Variants in ARHGEF18 observed in about 807,000 individuals in gnomAD.
The protein encoded by ARHGEF18 is rho guanine nucleotide exchange factor 18.
ARHGEF18 carries 93 observed loss-of-function variants against 155.7 expected under a neutral mutation model. That is an observed-to-expected ratio of 0.60 (90% CI 0.50 to 0.71). ARHGEF18 has a LOEUF of 0.71. ARHGEF18 is among the 30% of genes least tolerant of loss of function. The probability of loss-of-function intolerance (pLI) is 0.00; values close to 1 mark genes in which losing one functional copy is unlikely to be tolerated. For missense variants in ARHGEF18, 1,593 were observed against 1,816.1 expected (o/e 0.88, Z 2.23); for synonymous variants, 742 against 753.1 (o/e 0.99, Z 0.24).
intron 10 of ARHGEF18, among the ~76,000 whole-genome samples, chr19:7,409,304 C>T (rs562843385): frequency 7.9e-4 from 109 of 138,130 alleles, no homozygotes; most frequent in South Asian, 3.1e-3. Context: ...TGTGATCCAC[C>T]GCGTCCGGCC....
At position 7,451,637 on chromosome 19, in the gene ARHGEF18, A is replaced by T. The variant is rs944684543; in HGVS notation, c.1855+371A>T. Among the ~76,000 whole-genome samples the T allele has an allele frequency of 3.3e-5, 5 of 150,438 alleles. No homozygotes were observed. The South Asian group carries it at 8.5e-4, about 25-fold the overall frequency. ...GCTGTGTTACCCAGGCTGGTGTGGA[A>T]CTCCTGGGTTCAAGTGATCCTCCCA... On this transcript the variant is annotated intron_variant, in intron 16 of 28. Transcript: ENST00000668164.
chr19:7,476,864 CT>C (rs1977239581), downstream of ARHGEF18: 2 of 280,198 alleles, frequency 7.1e-6, no homozygotes, highest in Non-Finnish European at 1.3e-5. Flanking sequence ...ACCTTCACCC[CT>C]GAGCCAGGCG....
intron 10 of ARHGEF18, among the ~76,000 whole-genome samples, chr19:7,436,902 T>C (rs1974294657): frequency 6.6e-6 from 1 of 152,180 alleles, no homozygotes; most frequent in Non-Finnish European, 1.5e-5. Flanking sequence ...CAATAGTAAT[T>C]GTTAGTCATG....
Position 7,380,985 on chromosome 19 carries a change from T to C in ARHGEF18, c.713T>C (p.Phe238Ser). ...CACTCGAACCTGACCTGGTTTGAAT[T>C]CCTGTCGGAGTAAGTACACAGATCT... The part of the protein sequence containing the change: ...GAHSNLTWFE[F>S]LSESEDGAGK... The change falls in exon 8 of 29, where the codon TTC becomes TCC. Residue 238 changes from phenylalanine to serine, a missense_variant. Phe to Ser is a radical substitution (Grantham distance 155). Coordinates refer to ENST00000668164, the MANE Select transcript of ARHGEF18 (RefSeq NM_001367823.1). 1.6e-6 allele frequency: 2 copies of C among 1,232,172 alleles called. No individual in the cohort carries two copies. Among genetic ancestry groups the C allele is most frequent in the Non-Finnish European group, 2.0e-6 (2 of 987,998 alleles). The allele number at this position is 1,232,172 out of a possible 1,614,324, so 76.3% of individuals were successfully genotyped here.
At chr19:7,476,951 T>C, downstream of ARHGEF18, 1 of 406,914 alleles carries the variant, frequency 2.5e-6, no homozygotes, top group Non-Finnish European at 4.3e-6. Flanking sequence ...CTCATCTTGA[T>C]TTGGATACAA....
intron 10 of ARHGEF18, among the ~76,000 whole-genome samples, chr19:7,385,935 TCCCC>T (rs1971035741): frequency 2.8e-5 from 2 of 70,342 alleles, no homozygotes; most frequent in African/African-American, 6.6e-5. Context: ...TCTCTCTCTC[TCCCC>T]CTCTCCCTCT....
intron 5 of ARHGEF18, among the ~76,000 whole-genome samples, chr19:7,377,985 C>T (rs1970540445): frequency 6.6e-6 from 1 of 151,476 alleles, no homozygotes; most frequent in Non-Finnish European, 1.5e-5. Context: ...CCCAGCTACT[C>T]GGGAGGCTGA....
intron 2 of ARHGEF18, among the ~76,000 whole-genome samples, chr19:7,371,458 G>A (rs1374106996): frequency 6.6e-6 from 1 of 152,100 alleles, no homozygotes; most frequent in African/African-American, 2.4e-5. Flanking sequence ...TGAGGCAGGA[G>A]GATCACTTGA....
intron 10 of ARHGEF18, among the ~76,000 whole-genome samples, chr19:7,422,994 C>T (rs1432117465): frequency 6.6e-6 from 1 of 152,082 alleles, no homozygotes; most frequent in African/African-American, 2.4e-5. Flanking sequence ...GCTGGGATTA[C>T]AGTCATAAGC....
At chr19:7,477,906 C>CA in the ARHGEF18 span, among the ~76,000 whole-genome samples, 25 of 152,346 alleles carry the variant, frequency 1.6e-4, no homozygotes, top group African/African-American at 5.8e-4. Flanking sequence ...CCTGTAGTCC[C>CA]AGCTACTCGG....
intron 5 of ARHGEF18, among the ~76,000 whole-genome samples, chr19:7,376,974 C>T (rs551844870): frequency 1.3e-5 from 2 of 152,278 alleles, no homozygotes; most frequent in African/African-American, 4.8e-5. Flanking sequence ...GAAGGGACCT[C>T]CAGCATCTGT....
chr19:7,479,216 G>A, the ARHGEF18 span, among the ~76,000 whole-genome samples: 1 of 152,210 alleles, frequency 6.6e-6, no homozygotes, highest in Non-Finnish European at 1.5e-5. Context: ...AAGCGCGATG[G>A]CTCACACCTG....
At chr19:7,442,396 G>A (rs1370918878) in intron 13 of ARHGEF18, among the ~76,000 whole-genome samples, 1 of 151,932 alleles carries the variant, frequency 6.6e-6, no homozygotes, top group Non-Finnish European at 1.5e-5. Flanking sequence ...ACTACACCTG[G>A]CGAATTTTTT....
chr19:7,418,259 G>T (rs796649533), intron 10 of ARHGEF18, among the ~76,000 whole-genome samples: 3 of 151,964 alleles, frequency 2.0e-5, no homozygotes, highest in African/African-American at 7.2e-5. Context: ...GGGTTTTTTT[G>T]TTTTGTTTTG....
At chr19:7,381,955 C>T (rs74976149) in intron 8 of ARHGEF18, among the ~76,000 whole-genome samples, 3,184 of 152,246 alleles carry the variant, frequency 0.021, 100 homozygotes, top group African/African-American at 0.072. Flanking sequence ...ATGGCGTCTC[C>T]GCCCAGGAAA....
At chr19:7,411,829 G>A (rs780126077) in intron 10 of ARHGEF18, among the ~76,000 whole-genome samples, 9 of 151,964 alleles carry the variant, frequency 5.9e-5, no homozygotes, top group Non-Finnish European at 1.3e-4. Context: ...GACAACTCTA[G>A]GGACCTCCTA....
In ARHGEF18 at chr19:7,375,808, C is replaced by T. The variant is rs1970435115; in HGVS notation, c.364C>T (p.Leu122=). 1 of 1,234,536 alleles carries T rather than the reference C, an allele frequency of 8.1e-7. No homozygotes were observed. Among genetic ancestry groups the T allele is most frequent in the South Asian group, 4.1e-5 (1 of 24,418 alleles). 76.5% of individuals were successfully genotyped at this position (1,234,536 alleles called of 1,614,324 possible). ...SLALNLPGGG[L]KTWTQGCLSG... is the part of the protein sequence containing the mutation. Reference sequence around the variant, plus strand: ...TGCTTTGAACCTGCCAGGAGGAGGGCTGAAGACCTGGACTCAAGGGTGTCT... The same window carrying T: ...TGCTTTGAACCTGCCAGGAGGAGGGTTGAAGACCTGGACTCAAGGGTGTCT... Residue 122 remains leucine, a synonymous_variant, in exon 4 of 29, where the codon CTG becomes TTG. Coordinates refer to ENST00000668164, the MANE Select transcript of ARHGEF18 (RefSeq NM_001367823.1).
In ARHGEF18 at chr19:7,469,981, T is replaced by C; in HGVS notation, c.3865T>C (p.Ser1289Pro). 6.2e-7 allele frequency: 1 copy of C among 1,613,076 alleles called. No individual in the cohort carries two copies. Among genetic ancestry groups the C allele is most frequent in the East Asian group, 2.2e-5 (1 of 44,832 alleles). ...TGAGAGCACCTCACGGAACCGCCGC[T>C]CGCTGAGCCCTATCCTGCCCGGCAG... is the stretch of plus-strand genomic sequence containing the variant. ...KDESTSRNRR[S>P]LSPILPGRHS... The change falls in exon 28 of 29, where the codon TCG (serine) becomes CCG (proline). Residue 1289 changes from serine (S) to proline (P), a missense_variant. Coordinates refer to ENST00000668164, the MANE Select transcript of ARHGEF18 (RefSeq NM_001367823.1).
chr19:7,350,804 G>A (rs1969139562), intron 1 of ARHGEF18, among the ~76,000 whole-genome samples: 2 of 149,520 alleles, frequency 1.3e-5, no homozygotes, highest in African/African-American at 5.0e-5. Context: ...GTGTGTGTGT[G>A]TGTGTGTGTG....
Sources: gnomAD v4.1 joint callset for allele counts (sites outside exome capture counted in the v4.1 genomes callset) on GRCh38, gnomAD v4.1.1 for gene constraint, MANE v1.5 for transcripts, NCBI Gene and HGNC (gene_info 2026-07-23, HGNC 2026-07-21) for gene names.